The following RABGAP1L variants were observed in gnomAD, a reference collection of about 807,000 sequenced individuals.
RABGAP1L encodes the protein rab GTPase-activating protein 1-like.
Under a neutral mutation model 137.7 loss-of-function variants are expected in RABGAP1L, and 63 were observed. That is an observed-to-expected ratio of 0.46 (90% confidence interval 0.37 to 0.56). The LOEUF is 0.56. Among genes scored for constraint, RABGAP1L ranks in the 20% least tolerant of loss-of-function variants. The pLI is 0.00. For missense variants in RABGAP1L, 1,095 were observed against 1,244.0 expected (o/e 0.88, Z 1.80); for synonymous variants, 431 against 433.7 (o/e 0.99, Z 0.08).
chr1:174,794,373 T>C (rs1688085640), intron 18 of RABGAP1L, among the ~76,000 whole-genome samples: 1 of 152,248 alleles, frequency 6.6e-6, no homozygotes, highest in African/African-American at 2.4e-5. Flanking sequence ...AAACGCAATG[T>C]ATTTTTACAC....
At chr1:174,384,146 C>T (rs568591460) in intron 12 of RABGAP1L, among the ~76,000 whole-genome samples, 9 of 152,154 alleles carry the variant, frequency 5.9e-5, no homozygotes, top group Non-Finnish European at 1.2e-4. Context: ...TCAAGTGCAT[C>T]ATGTTAAGTG....
chr1:174,779,621 G>C (rs968837058), intron 18 of RABGAP1L, among the ~76,000 whole-genome samples: 3 of 152,088 alleles, frequency 2.0e-5, no homozygotes, highest in African/African-American at 7.2e-5. Flanking sequence ...GTTTGAAGTA[G>C]TTTGGACTTT....
chr1:174,839,680 T>C (rs774854824), intron 19 of RABGAP1L, among the ~76,000 whole-genome samples: 2 of 152,222 alleles, frequency 1.3e-5, no homozygotes, highest in African/African-American at 2.4e-5. Flanking sequence ...ATTTTTTCTT[T>C]CTCCCCTATT....
chr1:174,805,376 A>T (rs1011025808), intron 18 of RABGAP1L, among the ~76,000 whole-genome samples: 7 of 152,248 alleles, frequency 4.6e-5, no homozygotes. Flanking sequence ...AAGTAATGTC[A>T]CCTTTGAAAT....
intron 13 of RABGAP1L, among the ~76,000 whole-genome samples, chr1:174,556,061 G>C (rs1666863332): frequency 6.8e-6 from 1 of 147,474 alleles, no homozygotes; most frequent in African/African-American, 2.5e-5. Context: ...GCAGTGGCGC[G>C]ATCTTGGCTC....
intron 1 of RABGAP1L, among the ~76,000 whole-genome samples, chr1:174,206,786 ATTG>A (rs1411483323): frequency 1.3e-5 from 2 of 152,154 alleles, no homozygotes; most frequent in African/African-American, 2.4e-5. Flanking sequence ...ATTGCTGAAT[ATTG>A]TTGTACTATT....
At chr1:174,916,717 G>T (rs1349881694) in intron 19 of RABGAP1L, among the ~76,000 whole-genome samples, 1 of 152,132 alleles carries the variant, frequency 6.6e-6, no homozygotes, top group East Asian at 1.9e-4. Flanking sequence ...AGCATATCTC[G>T]TCCTTTGAAG....
chr1:174,520,143 GTTC>G (rs1390154051), intron 13 of RABGAP1L, among the ~76,000 whole-genome samples: 2 of 152,178 alleles, frequency 1.3e-5, no homozygotes, highest in Non-Finnish European at 2.9e-5. Flanking sequence ...TGCCGAAATG[GTTC>G]TTATCAAGAA....
At chr1:174,188,085 T>C (rs1666941014) in intron 1 of RABGAP1L, among the ~76,000 whole-genome samples, 1 of 152,222 alleles carries the variant, frequency 6.6e-6, no homozygotes, top group African/African-American at 2.4e-5. Context: ...TAGCAGGGTA[T>C]ACTTTATATA....
intron 19 of RABGAP1L, among the ~76,000 whole-genome samples, chr1:174,887,265 A>G (rs1374662850): frequency 6.6e-6 from 1 of 152,092 alleles, no homozygotes; most frequent in African/African-American, 2.4e-5. Flanking sequence ...GACCTAACTG[A>G]CCCTTCATAT....
At chr1:174,619,214 C>G (rs1004814555) in intron 13 of RABGAP1L, among the ~76,000 whole-genome samples, 1 of 151,898 alleles carries the variant, frequency 6.6e-6, no homozygotes, top group Non-Finnish European at 1.5e-5. Context: ...GGAAAACACT[C>G]TGCAGGATAT....
Position 174,252,460 on chromosome 1 carries a change from ATTCC to A in RABGAP1L, c.876-17_876-14del. 1 of 1,603,312 alleles carries A rather than the reference ATTCC, an allele frequency of 6.2e-7. No individual in the cohort carries two copies. The highest frequency in any genetic ancestry group is 8.5e-7 in the Non-Finnish European group (1 of 1,176,980). On this transcript the variant is annotated splice_polypyrimidine_tract_variant and intron_variant, in intron 6 of 25. Transcript: ENST00000681986. Reference sequence around the variant, plus strand: ...TTTTATTAGATTATTGGTAATTCCTATTCCTTTTGAATATTTCAGCCCTGTGCCT... The same window carrying A: ...TTTTATTAGATTATTGGTAATTCCTATTTTGAATATTTCAGCCCTGTGCCT...
chr1:174,872,090 C>A (rs550126269), intron 19 of RABGAP1L, among the ~76,000 whole-genome samples: 1 of 152,202 alleles, frequency 6.6e-6, no homozygotes, highest in African/African-American at 2.4e-5. Context: ...ACCCAGCATA[C>A]CTGTTAAGCA....
At chr1:174,184,605 C>T (rs183154695) in intron 1 of RABGAP1L, among the ~76,000 whole-genome samples, 4 of 152,228 alleles carry the variant, frequency 2.6e-5, no homozygotes, top group South Asian at 2.1e-4. Flanking sequence ...AAAACAAAAA[C>T]GAAACACTTT....
chr1:174,717,551 G>T (rs147350496), intron 17 of RABGAP1L, among the ~76,000 whole-genome samples: 1 of 152,240 alleles, frequency 6.6e-6, no homozygotes, highest in East Asian at 1.9e-4. Flanking sequence ...TAAGCTTTCA[G>T]CCTGAAAAAC....
intron 2 of RABGAP1L, among the ~76,000 whole-genome samples, chr1:174,220,136 C>T (rs1166403738): frequency 2.0e-5 from 3 of 152,008 alleles, no homozygotes; most frequent in Non-Finnish European, 2.9e-5. Flanking sequence ...CTTTGTGTTT[C>T]ACCTGCCTTT....
At chr1:174,329,132 A>G (rs1680804260) in intron 11 of RABGAP1L, among the ~76,000 whole-genome samples, 1 of 152,068 alleles carries the variant, frequency 6.6e-6, no homozygotes, top group South Asian at 2.1e-4. Context: ...AGACTAAATA[A>G]AATTAGAAAT....
At chr1:174,700,830 C>T in intron 16 of RABGAP1L, 1 of 205,778 alleles carries the variant, frequency 4.9e-6, no homozygotes, top group Non-Finnish European at 1.0e-5. Flanking sequence ...TCGCTTTTTG[C>T]CTTTTATTTA....
chr1:174,567,676 G>A (rs547483025), intron 13 of RABGAP1L, among the ~76,000 whole-genome samples: 1 of 152,238 alleles, frequency 6.6e-6, no homozygotes, highest in East Asian at 1.9e-4. Flanking sequence ...GTGCTATTTG[G>A]CTGTTTGCTA....
Sources: gnomAD v4.1 joint callset for allele counts (sites outside exome capture counted in the v4.1 genomes callset) on GRCh38, gnomAD v4.1.1 for gene constraint, MANE v1.5 for transcripts, NCBI Gene and HGNC (gene_info 2026-07-23, HGNC 2026-07-21) for gene names.